Variants in GSDME observed in about 807,000 individuals in gnomAD.
The protein encoded by GSDME is gasdermin-E.
In GSDME, 44 loss-of-function variants were observed where a neutral mutation model predicts 47.5. The observed-to-expected ratio is 0.93, with a 90% CI of 0.73 to 1.19. The LOEUF (loss-of-function observed/expected upper bound fraction) is 1.19, where lower values mean the gene tolerates loss of function less well. GSDME is among the 50% of genes most tolerant of loss of function. GSDME has a pLI of 0.00. For missense variants in GSDME, 663 were observed against 604.2 expected, an observed-to-expected ratio of 1.10 and a Z score of -1.02; for synonymous variants, 258 against 252.8, an observed-to-expected ratio of 1.02 and a Z score of -0.20.
At position 24,742,325 on chromosome 7, in the gene GSDME, G is replaced by C. The variant is rs1790518746; in HGVS notation, c.404+2237C>G. 6.6e-6 allele frequency among the ~76,000 whole-genome samples: 1 copy of C among 152,196 alleles called. No homozygotes were observed. Reference sequence around the variant, plus strand: ...AGCACCAGCATCCAAATTGAGCTCTGTGTCTGGGAATAAGTTATTTCTCCT... The same window carrying C: ...AGCACCAGCATCCAAATTGAGCTCTCTGTCTGGGAATAAGTTATTTCTCCT... On this transcript the variant is annotated intron_variant, in intron 3 of 9. Transcript: ENST00000645220. This position sits in a 1 kb window ranked among gnomAD's most constrained non-coding sequence, Gnocchi z 4.4.
At chr7:24,792,046 C>T in the GSDME span, among the ~76,000 whole-genome samples, 1 of 152,332 alleles carries the variant, frequency 6.6e-6, no homozygotes, top group East Asian at 1.9e-4. Context: ...GCCTGGTCGA[C>T]TGGAGGACTA....
chr7:24,763,538 G>A, the GSDME span, among the ~76,000 whole-genome samples: 14 of 152,188 alleles, frequency 9.2e-5, no homozygotes, highest in Admixed American at 2.6e-4. The surrounding 1 kb of genome is among the most constrained non-coding windows in gnomAD (Gnocchi z 4.3). Context: ...CATTGGAGAG[G>A]ACAGGGCAAG....
At chr7:24,711,792 G>A (rs1402451385) in intron 5 of GSDME, among the ~76,000 whole-genome samples, 1 of 137,006 alleles carries the variant, frequency 7.3e-6, no homozygotes, top group African/African-American at 2.8e-5. Context: ...TCCAGCCTGG[G>A]CAATAGAGCA....
At chr7:24,758,799 A>G, upstream of GSDME, among the ~76,000 whole-genome samples, 1 of 152,122 alleles carries the variant, frequency 6.6e-6, no homozygotes, top group East Asian at 1.9e-4. This position sits in a 1 kb window ranked among gnomAD's most constrained non-coding sequence, Gnocchi z 4.6. Flanking sequence ...ACTCACCACC[A>G]TCTGATAGAC....
At chr7:24,730,896 C>A (rs1339754587) in intron 3 of GSDME, among the ~76,000 whole-genome samples, 3 of 152,070 alleles carry the variant, frequency 2.0e-5, no homozygotes, top group Non-Finnish European at 4.4e-5. Context: ...CTCCCAAGAA[C>A]AAGTATTGGA....
chr7:24,729,742 G>T (rs184107799), intron 3 of GSDME, among the ~76,000 whole-genome samples: 41 of 152,366 alleles, frequency 2.7e-4, no homozygotes, highest in African/African-American at 8.9e-4. Context: ...AGGGCAACTG[G>T]TGAGAGATTA....
upstream of GSDME, chr7:24,757,829 C>A (rs923447071): frequency 6.6e-6 from 1 of 152,324 alleles, no homozygotes; most frequent in Non-Finnish European, 1.5e-5. The surrounding 1 kb of genome is among the most constrained non-coding windows in gnomAD (Gnocchi z 5.9). Flanking sequence ...GCCGAACCCG[C>A]CACCCACAGT....
intron 7 of GSDME, 30 bp downstream of exon 7, chr7:24,708,097 A>T (rs749479483): frequency 3.1e-6 from 5 of 1,612,848 alleles, no homozygotes; most frequent in Non-Finnish European, 3.4e-6. Flanking sequence ...CCCCAGTGAA[A>T]ACACTGCCTT....
At chr7:24,794,932 C>T in the GSDME span, among the ~76,000 whole-genome samples, 1 of 152,172 alleles carries the variant, frequency 6.6e-6, no homozygotes, top group Admixed American at 6.5e-5. Context: ...AAAGCCAAAA[C>T]AGTTCAAATC....
At position 24,698,573 on chromosome 7, in the gene GSDME, C is replaced by G. The variant is rs1313449075; in HGVS notation, c.*453G>C. The G allele has an allele frequency of 1.3e-5, 3 of 239,144 alleles. No homozygotes were observed. Among genetic ancestry groups the G allele is most frequent in the Non-Finnish European group, 2.5e-5 (3 of 121,272 alleles). 14.8% of individuals were successfully genotyped at this position (239,144 alleles called of 1,614,324 possible). On this transcript the variant is annotated 3_prime_UTR_variant, in exon 10 of 10. Transcript: ENST00000645220. ...GGAGCATTTACAGTTCATTTTCAGT[C>G]ATCAAATAACATACATCACTTCCAA...
rs1167850653 is a variant in GSDME, at chr7:24,733,117, G to C, written c.404+11445C>G. ...GTAGGATAGGGCACCAGGCAGAGTTGTGAGGCCCCCACTGCAGACCCTAGC... is the reference window on the plus strand; with the variant it reads ...GTAGGATAGGGCACCAGGCAGAGTTCTGAGGCCCCCACTGCAGACCCTAGC... On this transcript the variant is annotated intron_variant, in intron 3 of 9. Coordinates refer to ENST00000645220, the MANE Select transcript of GSDME (RefSeq NM_001127453.2). The surrounding 1 kb of genome is among the most constrained non-coding windows in gnomAD (Gnocchi z 4.3). Among the ~76,000 whole-genome samples the C allele has an allele frequency of 6.6e-6, 1 of 152,074 alleles. No individual in the cohort carries two copies. The highest frequency in any genetic ancestry group is 6.5e-5 in the Admixed American group (1 of 15,276).
intron 7 of GSDME, 194 bp downstream of exon 7, chr7:24,707,933 G>A (rs950898520): frequency 3.1e-6 from 2 of 648,514 alleles, no homozygotes; most frequent in South Asian, 2.1e-5. Context: ...GCAGCCCTAG[G>A]AAATTAACAC....
At chr7:24,747,207 C>T (rs1300934716) in intron 2 of GSDME, among the ~76,000 whole-genome samples, 3 of 152,144 alleles carry the variant, frequency 2.0e-5, no homozygotes, top group Non-Finnish European at 4.4e-5. Context: ...GTTATTTCAC[C>T]GTTCGATAGA....
chr7:24,699,677 G>C (rs952983112), intron 9 of GSDME, among the ~76,000 whole-genome samples: 9 of 152,198 alleles, frequency 5.9e-5, no homozygotes, highest in African/African-American at 2.2e-4. Context: ...AATAGAGCAG[G>C]AAAACCCTTG....
Position 24,744,864 on chromosome 7 carries a change from G to A in GSDME, c.212-110C>T. ...CAGAGCCCCGGAAAGCAGAAGGCTG[G>A]CACTCAGATGGAAAGCCGGCAGCCA... On this transcript the variant is annotated intron_variant, in intron 2 of 9. Transcript: ENST00000645220. The surrounding 1 kb of genome is among the most constrained non-coding windows in gnomAD (Gnocchi z 4.5). The A allele has an allele frequency of 3.4e-6, 4 of 1,193,202 alleles. No individual in the cohort carries two copies. In the East Asian group the frequency reaches 1.0e-4, roughly 30 times the overall value. 73.9% of individuals were successfully genotyped at this position (1,193,202 alleles called of 1,614,324 possible).
chr7:24,744,923 C>CGTGTGTGT lies in GSDME; in HGVS notation c.212-177_212-170dup, dbSNP rs3038356. ...GTGTGGGCAAGAAAACAGGGCAGCA[C>CGTGTGTGT]GTGTGTGTGTGTGTGTGTGTGTGTG... is the stretch of plus-strand genomic sequence containing the variant. On this transcript the variant is annotated intron_variant, in intron 2 of 9. Transcript: ENST00000645220. This position sits in a 1 kb window ranked among gnomAD's most constrained non-coding sequence, Gnocchi z 4.5. Among the ~76,000 whole-genome samples the CGTGTGTGT allele has an allele frequency of 9.1e-3, 1,272 of 140,176 alleles. 11 individuals carry two copies. The highest frequency in any genetic ancestry group is 0.012 in the Non-Finnish European group (773 of 65,058). 92.0% of individuals were successfully genotyped at this position (140,176 alleles called of 152,430 possible). A position where few individuals can be genotyped will look rare whatever the true frequency, so the allele number is the denominator to read the frequency against.
chr7:24,718,996 G>A (rs374747799), intron 4 of GSDME, 51 bp downstream of exon 4: 5 of 1,604,776 alleles, frequency 3.1e-6, no homozygotes, highest in Non-Finnish European at 4.3e-6. Context: ...CCCCAACCAA[G>A]GTCTCCAGGA....
chr7:24,699,300 C>T, intron 9 of GSDME, 41 bp from the exon 10 acceptor site: 1 of 1,461,948 alleles, frequency 6.8e-7, no homozygotes, highest in Non-Finnish European at 9.6e-7. Flanking sequence ...TTAAAATGTC[C>T]TAAAAAATCC....
chr7:24,751,419 A>C (rs537777819), intron 1 of GSDME, among the ~76,000 whole-genome samples: 1 of 152,346 alleles, frequency 6.6e-6, no homozygotes, highest in South Asian at 2.1e-4. Flanking sequence ...CTTAGGATTT[A>C]AGAGATGAGA....
Sources: allele counts gnomAD v4.1 joint callset (sites outside exome capture counted in the v4.1 genomes callset), GRCh38; gene constraint gnomAD v4.1.1; non-coding constraint Gnocchi (gnomAD v3.1); transcripts MANE v1.5; gene names NCBI Gene and HGNC (gene_info 2026-07-23, HGNC 2026-07-21).